The following ENTREP2 variants were observed in gnomAD, a reference collection of about 807,000 sequenced individuals.
ENTREP2 encodes protein ENTREP2.
At chr15:29,232,278 A>G in the ENTREP2 span, among the ~76,000 whole-genome samples, 1 of 152,202 alleles carries the variant, frequency 6.6e-6, no homozygotes, top group African/African-American at 2.4e-5. Flanking sequence ...CTAAGACTAT[A>G]GTTTAAATTC....
the ENTREP2 span, among the ~76,000 whole-genome samples, chr15:29,657,824 G>T: frequency 6.6e-6 from 1 of 152,144 alleles, no homozygotes. Flanking sequence ...TAACCAAATT[G>T]TGACATATAT....
At chr15:29,617,732 G>A in the ENTREP2 span, among the ~76,000 whole-genome samples, 1 of 152,326 alleles carries the variant, frequency 6.6e-6, no homozygotes, top group East Asian at 1.9e-4. Context: ...TGGACATTGG[G>A]CAGGAGGCGC....
chr15:29,381,282 C>T, the ENTREP2 span, among the ~76,000 whole-genome samples: 5 of 150,508 alleles, frequency 3.3e-5, no homozygotes, highest in African/African-American at 7.3e-5. Context: ...TGGTGAAACC[C>T]CATCTCTACT....
the ENTREP2 span, among the ~76,000 whole-genome samples, chr15:29,396,123 C>T: frequency 5.9e-5 from 9 of 152,314 alleles, no homozygotes; most frequent in Admixed American, 3.9e-4. Flanking sequence ...TTGATAAGAA[C>T]ATATGAAGTC....
chr15:29,200,848 G>A, the ENTREP2 span, among the ~76,000 whole-genome samples: 3 of 152,122 alleles, frequency 2.0e-5, no homozygotes, highest in Non-Finnish European at 4.4e-5. Context: ...TTACAGGTGT[G>A]AGCCACTGTG....
At chr15:29,674,132 G>C in the ENTREP2 span, among the ~76,000 whole-genome samples, 19 of 145,594 alleles carry the variant, frequency 1.3e-4, no homozygotes, top group Admixed American at 2.7e-4. Flanking sequence ...AGAGGATGGG[G>C]GGGGGGGGGG....
At chr15:29,547,379 G>A in the ENTREP2 span, among the ~76,000 whole-genome samples, 1 of 151,970 alleles carries the variant, frequency 6.6e-6, no homozygotes, top group Non-Finnish European at 1.5e-5. Context: ...TGAGCCACCA[G>A]ACCTGGCCCA....
At chr15:29,237,518 T>A in the ENTREP2 span, among the ~76,000 whole-genome samples, 1 of 152,238 alleles carries the variant, frequency 6.6e-6, no homozygotes, top group African/African-American at 2.4e-5. Context: ...AGGTTTAGGT[T>A]GAGGTTCACT....
chr15:29,402,799 C>G, the ENTREP2 span, among the ~76,000 whole-genome samples: 1 of 152,132 alleles, frequency 6.6e-6, no homozygotes, highest in Admixed American at 6.5e-5. Context: ...TTTTGGCTTC[C>G]TCTTTATTTT....
the ENTREP2 span, among the ~76,000 whole-genome samples, chr15:29,378,688 C>T: frequency 6.6e-6 from 1 of 152,086 alleles, no homozygotes; most frequent in Admixed American, 6.6e-5. Flanking sequence ...TCGAATTGCC[C>T]GTTCCCACAA....
At chr15:29,277,437 A>C in the ENTREP2 span, among the ~76,000 whole-genome samples, 6 of 152,208 alleles carry the variant, frequency 3.9e-5, no homozygotes, top group Non-Finnish European at 8.8e-5. Flanking sequence ...AAATTAAAGC[A>C]GCGGTCCCCA....
At chr15:29,200,937 C>A in the ENTREP2 span, among the ~76,000 whole-genome samples, 1 of 152,086 alleles carries the variant, frequency 6.6e-6, no homozygotes, top group Admixed American at 6.6e-5. Flanking sequence ...TTTATTTCCT[C>A]ATTGTTAACG....
chr15:29,147,799 C>G, the ENTREP2 span, among the ~76,000 whole-genome samples: 2 of 152,122 alleles, frequency 1.3e-5, no homozygotes, highest in African/African-American at 4.8e-5. Context: ...AAGGTATATA[C>G]TCAAGATAAA....
At chr15:29,257,781 T>C in the ENTREP2 span, among the ~76,000 whole-genome samples, 3 of 152,282 alleles carry the variant, frequency 2.0e-5, no homozygotes, top group African/African-American at 2.4e-5. Context: ...AAAATGTACA[T>C]GGGAGACAGA....
At chr15:29,271,558 C>T in the ENTREP2 span, among the ~76,000 whole-genome samples, 30 of 152,174 alleles carry the variant, frequency 2.0e-4, no homozygotes, top group African/African-American at 6.0e-4. Flanking sequence ...ACTTAGAAAC[C>T]GATGTTATTC....
the ENTREP2 span, among the ~76,000 whole-genome samples, chr15:29,669,315 G>T: frequency 6.6e-6 from 1 of 152,298 alleles, no homozygotes; most frequent in African/African-American, 2.4e-5. Context: ...TGGGTTAATG[G>T]ATTAATGTGT....
At chr15:29,168,769 G>C in the ENTREP2 span, among the ~76,000 whole-genome samples, 2 of 152,176 alleles carry the variant, frequency 1.3e-5, no homozygotes, top group African/African-American at 4.8e-5. Context: ...AAGAAGGCAG[G>C]ATTGCTCCCC....
At chr15:29,301,633 C>A in the ENTREP2 span, among the ~76,000 whole-genome samples, 1 of 152,164 alleles carries the variant, frequency 6.6e-6, no homozygotes, top group Admixed American at 6.5e-5. Flanking sequence ...CTGGGAATGA[C>A]CCAATGGAAG....
At chr15:29,636,852 G>C in the ENTREP2 span, among the ~76,000 whole-genome samples, 2 of 152,196 alleles carry the variant, frequency 1.3e-5, no homozygotes, top group African/African-American at 4.8e-5. Flanking sequence ...GGTGACAGCA[G>C]TATTTCTGGG....
Sources: allele counts gnomAD v4.1 joint callset (sites outside exome capture counted in the v4.1 genomes callset), GRCh38; gene constraint gnomAD v4.1.1; transcripts MANE v1.5; gene names NCBI Gene and HGNC (gene_info 2026-07-23, HGNC 2026-07-21).